The following IGSF9B variants were observed in gnomAD, a reference collection of about 807,000 sequenced individuals.
IGSF9B encodes the protein immunoglobulin superfamily member 9B, also known as protein turtle homolog B.
IGSF9B carries 48 observed loss-of-function variants against 143.7 expected under a neutral mutation model. The observed-to-expected ratio is 0.33, with a 90% confidence interval of 0.26 to 0.42. The LOEUF (loss-of-function observed/expected upper bound fraction) is 0.42. Among genes scored for constraint, IGSF9B ranks in the 20% least tolerant of loss-of-function variants. The probability of loss-of-function intolerance (pLI) is 1.00; values close to 1 mark genes in which losing one functional copy is unlikely to be tolerated. For synonymous variants in IGSF9B, 903 were observed against 833.1 expected, an observed-to-expected ratio of 1.08 and a Z score of -1.44; for missense variants, 1,706 against 1,980.0, an observed-to-expected ratio of 0.86 and a Z score of 2.63.
chr11:133,922,772 C>G, intron 15 of IGSF9B, 42 bp from the exon 16 acceptor site: 1 of 1,513,478 alleles, frequency 6.6e-7, no homozygotes, highest in South Asian at 1.2e-5. Context: ...CATCCTTCCC[C>G]GGGACCTCAC....
rs142566054 is a variant in IGSF9B at position 133,913,563 on chromosome 11, G to A, written c.3984-1556C>T. Among the ~76,000 whole-genome samples the A allele has an allele frequency of 2.0e-4, 30 of 152,254 alleles. No homozygotes were observed. Among genetic ancestry groups the A allele is most frequent in the African/African-American group, 7.0e-4 (29 of 41,546 alleles). ...AAGGCTCCCTCAAAGTTCAGGTCAC[G>A]GTCAACCTCTTGACTTTCCATAGCC... On this transcript the variant is annotated intron_variant, in intron 18 of 19. Transcript: ENST00000533871. This position sits in a 1 kb window ranked among gnomAD's most constrained non-coding sequence, Gnocchi z 4.6.
chr11:133,927,150 G>C (rs980132365), intron 12 of IGSF9B, 59 bp from the exon 13 acceptor site: 3 of 1,392,802 alleles, frequency 2.2e-6, no homozygotes, highest in African/African-American at 2.9e-5. Context: ...ACACTGGAGA[G>C]AAGAGGGTGC....
At chr11:133,927,143 C>A in intron 12 of IGSF9B, 52 bp from the exon 13 acceptor site, 9 of 1,449,136 alleles carry the variant, frequency 6.2e-6, no homozygotes, top group Non-Finnish European at 8.5e-6. Context: ...GTGGGTCACA[C>A]TGGAGAGAAG....
intron 12 of IGSF9B, 25 bp from the exon 13 acceptor site, chr11:133,927,116 AGGGGACGAGGGGC>A (rs1434827779): frequency 2.0e-6 from 3 of 1,519,056 alleles, no homozygotes; most frequent in African/African-American, 2.8e-5. Flanking sequence ...GAGACAGGAT[AGGGGACGAGGGGC>A]GGGGTGGGTC....
Position 133,922,740 on chromosome 11 carries a change from G to T in IGSF9B, c.2120-10C>A. 1.9e-6 allele frequency: 3 copies of T among 1,553,374 alleles called. No homozygotes were observed. In the South Asian group the frequency reaches 3.6e-5, roughly 18 times the overall value. ...GGCTGCGGGAAGATGTCTGCAGGGA[G>T]GGTGGGGAGCACTCATGAGCCCATC... is the stretch of plus-strand genomic sequence containing the variant. On this transcript the variant is annotated splice_polypyrimidine_tract_variant and intron_variant, in intron 15 of 19. Coordinates refer to ENST00000533871, the MANE Select transcript of IGSF9B (RefSeq NM_001277285.4).
At chr11:133,912,121 C>G in intron 18 of IGSF9B, 114 bp from the exon 19 acceptor site, 1 of 1,309,362 alleles carries the variant, frequency 7.6e-7, no homozygotes, top group Non-Finnish European at 1.0e-6. Flanking sequence ...TTCAGTCCTA[C>G]AGAGCCCAAG....
At chr11:133,947,133 G>A (rs1423769187) in intron 1 of IGSF9B, among the ~76,000 whole-genome samples, 1 of 152,132 alleles carries the variant, frequency 6.6e-6, no homozygotes, top group Non-Finnish European at 1.5e-5. Context: ...CAGCAGGCGG[G>A]AGGACCACCC....
At chr11:133,935,949 C>A in intron 6 of IGSF9B, 104 bp downstream of exon 6, 4 of 1,454,394 alleles carry the variant, frequency 2.8e-6, no homozygotes, top group Non-Finnish European at 3.7e-6. Context: ...CCTCCCCCAG[C>A]TCCAAGAGCC....
chr11:133,943,632 T>G (rs760022028), intron 3 of IGSF9B, among the ~76,000 whole-genome samples: 3 of 152,190 alleles, frequency 2.0e-5, no homozygotes, highest in Non-Finnish European at 2.9e-5. Context: ...ATTAAAACTG[T>G]GACGCTTCCC....
chr11:133,915,425 T>C (rs1355601121), intron 18 of IGSF9B, among the ~76,000 whole-genome samples: 2 of 152,044 alleles, frequency 1.3e-5, no homozygotes, highest in African/African-American at 2.4e-5. Flanking sequence ...TGTGCCACCA[T>C]GCCCAGCTAT....
Position 133,929,723 on chromosome 11 carries a change from C to G in IGSF9B, c.1579G>C (p.Val527Leu), listed in dbSNP as rs753788252. 7 of 1,613,812 alleles carry G rather than the reference C, an allele frequency of 4.3e-6. No individual in the cohort carries two copies. The highest frequency in any genetic ancestry group is 1.7e-5 in the Admixed American group (1 of 60,008). Residue 527 changes from valine (V) to leucine (L), a missense_variant, in exon 12 of 20, where the codon GTG becomes CTG. Transcript: ENST00000533871. Reference sequence around the variant, plus strand: ...CCATCATAGCCTGGTTCCCAGGACACGTTGGCAGTTGTCATGGAGACCTGG... The same window carrying G: ...CCATCATAGCCTGGTTCCCAGGACAGGTTGGCAGTTGTCATGGAGACCTGG... ...RVQVSMTTANVSWEPGYDGGY... is the reference protein window; with the variant it reads ...RVQVSMTTANLSWEPGYDGGY...
In IGSF9B at chr11:133,936,156, C is replaced by A; in HGVS notation, c.718G>T (p.Val240Phe). Residue 240 changes from valine (V) to phenylalanine (F), a missense_variant, in exon 6 of 20, where the codon GTC becomes TTC. Coordinates refer to ENST00000533871, the MANE Select transcript of IGSF9B (RefSeq NM_001277285.4). ...AGCAGAGCATCCTGGGAGATGTTGA[C>A]GGTGATGTTCTCAGGAGGGGAGACG... ...FIVSPPENIT[V>F]NISQDALLTC... 1 of 1,612,138 alleles carries A rather than the reference C, an allele frequency of 6.2e-7. No homozygotes were observed. Among genetic ancestry groups the A allele is most frequent in the Non-Finnish European group, 8.5e-7 (1 of 1,179,180 alleles).
intron 18 of IGSF9B, among the ~76,000 whole-genome samples, 181 bp downstream of exon 18, chr11:133,919,561 C>T (rs1231135937): frequency 6.6e-6 from 1 of 152,196 alleles, no homozygotes; most frequent in Non-Finnish European, 1.5e-5. Flanking sequence ...GGGCCCGCTG[C>T]GCCCCAGCGA....
intron 18 of IGSF9B, 95 bp downstream of exon 18, chr11:133,919,647 G>A (rs1939471367): frequency 1.2e-6 from 1 of 838,098 alleles, no homozygotes. Flanking sequence ...CACGAGCCCT[G>A]TCGCCGGGCG....
At chr11:133,921,459 C>T (rs11223621) in intron 17 of IGSF9B, 62 bp from the exon 18 acceptor site, 532,149 of 1,293,070 alleles carry the variant, frequency 0.41, 114,782 homozygotes, top group East Asian at 0.65. Flanking sequence ...CCAGGACTTC[C>T]TTTCCCTCTC....
Position 133,948,204 on chromosome 11 carries a change from T to C in IGSF9B, c.65-1946A>G, listed in dbSNP as rs1442628360. On this transcript the variant is annotated intron_variant, in intron 1 of 19. Transcript: ENST00000533871. The surrounding 1 kb of genome is among the most constrained non-coding windows in gnomAD (Gnocchi z 4.7). Reference sequence around the variant, plus strand: ...CTGTGTCTGTGGCTCTCCGTGTCTGTCTGTATGTCATCTCTGTGTGTCTTG... The same window carrying C: ...CTGTGTCTGTGGCTCTCCGTGTCTGCCTGTATGTCATCTCTGTGTGTCTTG... 6.6e-6 allele frequency among the ~76,000 whole-genome samples: 1 copy of C among 152,142 alleles called. No homozygotes were observed. Among genetic ancestry groups the C allele is most frequent in the Non-Finnish European group, 1.5e-5 (1 of 68,030 alleles).
Position 133,920,052 on chromosome 11 carries a change from G to A in IGSF9B, c.3673C>T (p.Arg1225Cys), listed in dbSNP as rs767068283. 11 of 1,557,346 alleles carry A rather than the reference G, an allele frequency of 7.1e-6. No individual in the cohort carries two copies. The highest frequency in any genetic ancestry group is 6.0e-5 in the South Asian group (5 of 83,010). Reference protein sequence around the residue: ...SPELAARARPRPGLLQQAEMS... With the variant: ...SPELAARARPCPGLLQQAEMS... ...TCTGCCTGCTGCAGGAGGCCCGGGC[G>A]AGGCCGGGCACGGGCGGCGAGCTCA... The change falls in exon 18 of 20, where the codon CGC becomes TGC. Residue 1225 changes from arginine (R) to cysteine (C), a missense_variant. By Grantham distance (180) the Arg-to-Cys change is radical. Coordinates refer to ENST00000533871, the MANE Select transcript of IGSF9B (RefSeq NM_001277285.4).
intron 2 of IGSF9B, among the ~76,000 whole-genome samples, chr11:133,944,789 C>T (rs977125570): frequency 5.3e-5 from 8 of 152,200 alleles, no homozygotes; most frequent in African/African-American, 1.9e-4. Flanking sequence ...GGGAGCACCT[C>T]CATTCAGGCT....
In IGSF9B at chr11:133,905,214, T is replaced by A. The variant is rs1939193102; in HGVS notation, c.*3855A>T. 6.6e-6 allele frequency among the ~76,000 whole-genome samples: 1 copy of A among 152,108 alleles called. No individual in the cohort carries two copies. Among genetic ancestry groups the A allele is most frequent in the Admixed American group, 6.5e-5 (1 of 15,274 alleles). ...TAGGTTTCTCTACAGATTAATAAAA[T>A]GTACTTTATGTACAATTCTTCCCCC... On this transcript the variant is annotated 3_prime_UTR_variant, in exon 20 of 20. Coordinates refer to ENST00000533871, the MANE Select transcript of IGSF9B (RefSeq NM_001277285.4). The surrounding 1 kb of genome is among the most constrained non-coding windows in gnomAD (Gnocchi z 4.0).
Sources: gnomAD v4.1 joint callset for allele counts (sites outside exome capture counted in the v4.1 genomes callset) on GRCh38, gnomAD v4.1.1 for gene constraint, Gnocchi (gnomAD v3.1) non-coding constraint, MANE v1.5 for transcripts, NCBI Gene and HGNC (gene_info 2026-07-23, HGNC 2026-07-21) for gene names.